LIN28B: variants seen among roughly 807,000 people sequenced by gnomAD.
LIN28B encodes protein lin-28 homolog B.
In LIN28B, 5 loss-of-function variants were observed where a neutral mutation model predicts 21.9. The ratio of observed to expected loss-of-function variants is 0.23; its 90% CI spans 0.12 to 0.48. The LOEUF is 0.48. Among genes scored for constraint, LIN28B ranks in the 20% least tolerant of loss-of-function variants. The pLI is 0.98. For missense variants in LIN28B, 245 were observed against 310.5 expected (o/e 0.79, Z 1.58); for synonymous variants, 109 against 111.3 (o/e 0.98, Z 0.13).
intron 2 of LIN28B, among the ~76,000 whole-genome samples, chr6:105,000,317 A>C (rs1194144458): frequency 6.6e-6 from 1 of 152,180 alleles, no homozygotes; most frequent in Non-Finnish European, 1.5e-5. Context: ...AGTTTTTTAT[A>C]GTGGTAACAG....
intron 2 of LIN28B, among the ~76,000 whole-genome samples, chr6:104,978,444 C>T (rs1023435789): frequency 6.6e-6 from 1 of 152,000 alleles, no homozygotes; most frequent in Admixed American, 6.6e-5. Context: ...GCTTGAATAC[C>T]TTAACTCAGA....
At chr6:105,066,383 T>C (rs1226821447) in intron 3 of LIN28B, among the ~76,000 whole-genome samples, 1 of 152,172 alleles carries the variant, frequency 6.6e-6, no homozygotes. Context: ...AGATATTTAC[T>C]TTGCTAAAAC....
intron 3 of LIN28B, among the ~76,000 whole-genome samples, chr6:105,038,872 C>CTG (rs1771577138): frequency 6.6e-6 from 1 of 152,186 alleles, no homozygotes; most frequent in South Asian, 2.1e-4. Context: ...TCATTTCACT[C>CTG]ATGTTGAACT....
At chr6:104,969,282 A>G (rs972804690) in intron 2 of LIN28B, among the ~76,000 whole-genome samples, 8 of 152,074 alleles carry the variant, frequency 5.3e-5, no homozygotes, top group Non-Finnish European at 1.2e-4. Flanking sequence ...TTCCTCCCCC[A>G]TGCCATTGAA....
chr6:104,990,721 G>A lies in LIN28B; in HGVS notation c.198+32435G>A, dbSNP rs190347832. Among the ~76,000 whole-genome samples, 58 of 152,246 alleles carry A rather than the reference G, an allele frequency of 3.8e-4. No individual in the cohort carries two copies. The Middle Eastern group carries it at 0.01, about 27-fold the overall frequency. ...CAGAGGACCCTGCGCCTTCTGCAGTGTTTGTGTCCCTGGGTACTTGAGATT... is the reference window on the plus strand; with the variant it reads ...CAGAGGACCCTGCGCCTTCTGCAGTATTTGTGTCCCTGGGTACTTGAGATT... On this transcript the variant is annotated intron_variant, in intron 2 of 3. Coordinates refer to ENST00000345080, the MANE Select transcript of LIN28B (RefSeq NM_001004317.4).
intron 3 of LIN28B, among the ~76,000 whole-genome samples, chr6:105,034,850 T>G (rs1459220581): frequency 2.0e-5 from 3 of 152,126 alleles, no homozygotes; most frequent in Admixed American, 2.0e-4. Context: ...TTTTTGTTTT[T>G]GGGATTACGA....
chr6:105,070,640 A>ACACACACACACACT (rs1446229838), intron 3 of LIN28B, among the ~76,000 whole-genome samples: 2 of 148,486 alleles, frequency 1.3e-5, no homozygotes, highest in Non-Finnish European at 3.0e-5. Context: ...ACACACACAC[A>ACACACACACACACT]CTGGTGGTGT....
chr6:105,002,155 G>A (rs565925102), intron 2 of LIN28B, among the ~76,000 whole-genome samples: 1 of 149,748 alleles, frequency 6.7e-6, no homozygotes, highest in Non-Finnish European at 1.5e-5. Context: ...CACTTGAAGA[G>A]ATTCTCTGGT....
chr6:105,031,307 T>G (rs1771417801), intron 3 of LIN28B, among the ~76,000 whole-genome samples: 1 of 152,104 alleles, frequency 6.6e-6, no homozygotes, highest in African/African-American at 2.4e-5. Flanking sequence ...GTCCTCATCA[T>G]TTTTTGAGTA....
chr6:105,050,069 G>T (rs190795463), intron 3 of LIN28B, among the ~76,000 whole-genome samples: 3 of 152,232 alleles, frequency 2.0e-5, no homozygotes, highest in South Asian at 4.2e-4. Flanking sequence ...TATTTTGCTC[G>T]TTAGTTGATG....
Position 104,964,819 on chromosome 6 carries a change from G to A in LIN28B, c.198+6533G>A, listed in dbSNP as rs559548519. Among the ~76,000 whole-genome samples the A allele has an allele frequency of 4.6e-5, 7 of 152,166 alleles. No individual in the cohort carries two copies. In the South Asian group the frequency reaches 1.2e-3, roughly 27 times the overall value. ...TTTATCTCAAATTGGAGGACAGTCT[G>A]ATTATTGCTTCTTCTTTTCCAATAT... On this transcript the variant is annotated intron_variant, in intron 2 of 3. Transcript: ENST00000345080.
At chr6:104,946,713 A>G (rs964962700) in intron 2 of LIN28B, among the ~76,000 whole-genome samples, 1 of 152,196 alleles carries the variant, frequency 6.6e-6, no homozygotes, top group South Asian at 2.1e-4. Context: ...GGAAAGAAAA[A>G]TGTGTGTTGC....
intron 3 of LIN28B, among the ~76,000 whole-genome samples, chr6:105,031,823 G>A (rs1273065162): frequency 1.3e-5 from 2 of 151,952 alleles, no homozygotes; most frequent in African/African-American, 4.8e-5. Context: ...TTTTCTTTTG[G>A]TATTCAGTTA....
chr6:105,020,193 A>G (rs543915195), intron 2 of LIN28B, among the ~76,000 whole-genome samples: 1 of 145,458 alleles, frequency 6.9e-6, no homozygotes, highest in Non-Finnish European at 1.5e-5. Flanking sequence ...GGGTAGGTGC[A>G]ACCTTGACCA....
chr6:104,960,267 G>A (rs1362112382), intron 2 of LIN28B, among the ~76,000 whole-genome samples: 1 of 152,052 alleles, frequency 6.6e-6, no homozygotes, highest in East Asian at 1.9e-4. Context: ...TTTTGAAGAA[G>A]GCAGGAATCC....
Position 105,037,915 on chromosome 6 carries a change from G to A in LIN28B, c.383+11433G>A, listed in dbSNP as rs180847443. Among the ~76,000 whole-genome samples, 277 of 152,038 alleles carry A rather than the reference G, an allele frequency of 1.8e-3. 1 individual carries two copies. Among genetic ancestry groups the A allele is most frequent in the Non-Finnish European group, 3.2e-3 (220 of 67,970 alleles). The stretch of plus-strand genomic sequence containing the variant: ...TTTATTTTGTATATATATGGTCCTG[G>A]GAAAATTGTCTATCTGTAGAGAAAG... On this transcript the variant is annotated intron_variant, in intron 3 of 3. Transcript: ENST00000345080.
intron 3 of LIN28B, among the ~76,000 whole-genome samples, chr6:105,044,701 T>C (rs1345786126): frequency 2.0e-5 from 3 of 152,214 alleles, no homozygotes; most frequent in Non-Finnish European, 4.4e-5. Context: ...TGTTTTAGTT[T>C]AAAAAATATT....
intron 2 of LIN28B, among the ~76,000 whole-genome samples, chr6:104,989,081 T>G (rs537113624): frequency 6.6e-6 from 1 of 152,234 alleles, no homozygotes; most frequent in Non-Finnish European, 1.5e-5. Context: ...TTCTCTGTCT[T>G]GATTAATCTT....
At chr6:105,059,887 C>T (rs748299492) in intron 3 of LIN28B, among the ~76,000 whole-genome samples, 9 of 150,896 alleles carry the variant, frequency 6.0e-5, no homozygotes, top group Non-Finnish European at 1.3e-4. Context: ...TTTTCATTTT[C>T]TTTATTCTCA....
Sources: allele counts gnomAD v4.1 joint callset (sites outside exome capture counted in the v4.1 genomes callset), GRCh38; gene constraint gnomAD v4.1.1; transcripts MANE v1.5; gene names NCBI Gene and HGNC (gene_info 2026-07-23, HGNC 2026-07-21).